The following LRFN5 variants were observed in gnomAD, a reference collection of about 807,000 sequenced individuals.
LRFN5 encodes the protein leucine rich repeat and fibronectin type III domain containing 5.
In LRFN5, 24 loss-of-function variants were observed where a neutral mutation model predicts 45.6. The ratio of observed to expected loss-of-function variants is 0.53; its 90% CI spans 0.38 to 0.74. The LOEUF is 0.74. Ranked by LOEUF, LRFN5 falls within the 30% of genes least tolerant of loss-of-function variation. LRFN5 has a pLI of 0.00. For missense variants in LRFN5, 776 were observed against 861.5 expected (o/e 0.90, Z 1.24); for synonymous variants, 340 against 313.8 (o/e 1.08, Z -0.88).
At chr14:41,647,723 A>G (rs1879884590) in intron 1 of LRFN5, among the ~76,000 whole-genome samples, 1 of 152,190 alleles carries the variant, frequency 6.6e-6, no homozygotes, top group Admixed American at 6.5e-5. Context: ...CAGGGATTCA[A>G]AACTTAACAT....
chr14:41,735,470 C>A (rs1240209850), intron 1 of LRFN5, among the ~76,000 whole-genome samples: 1 of 151,856 alleles, frequency 6.6e-6, no homozygotes, highest in Non-Finnish European at 1.5e-5. Flanking sequence ...ATGGGTCTCC[C>A]TATGTTGCTC....
At chr14:41,702,011 C>A (rs1034738393) in intron 1 of LRFN5, among the ~76,000 whole-genome samples, 1 of 152,112 alleles carries the variant, frequency 6.6e-6, no homozygotes, top group African/African-American at 2.4e-5. Context: ...AGCAGAACCT[C>A]CTGGAGCAGT....
intron 1 of LRFN5, among the ~76,000 whole-genome samples, chr14:41,681,568 A>G (rs1454412258): frequency 6.6e-6 from 1 of 152,062 alleles, no homozygotes; most frequent in Non-Finnish European, 1.5e-5. Context: ...TAAGGGAGAA[A>G]TAAAGACTTT....
chr14:41,732,184 A>C (rs58682843), intron 1 of LRFN5, among the ~76,000 whole-genome samples: 6,822 of 152,264 alleles, frequency 0.045, 339 homozygotes, highest in African/African-American at 0.12. Context: ...TTCCTAGAGC[A>C]GCATGCATAC....
chr14:41,788,568 G>A (rs1193283467), intron 2 of LRFN5, among the ~76,000 whole-genome samples: 1 of 151,888 alleles, frequency 6.6e-6, no homozygotes, highest in Non-Finnish European at 1.5e-5. Flanking sequence ...AAAAAAAGAT[G>A]TTCCATCTCC....
At chr14:41,877,134 T>C (rs1027021594) in intron 2 of LRFN5, among the ~76,000 whole-genome samples, 2 of 152,312 alleles carry the variant, frequency 1.3e-5, no homozygotes, top group African/African-American at 2.4e-5. Flanking sequence ...TAAAACTGCC[T>C]TTTGTTTACT....
intron 2 of LRFN5, among the ~76,000 whole-genome samples, chr14:41,852,750 T>A (rs1889315667): frequency 6.6e-6 from 1 of 151,972 alleles, no homozygotes; most frequent in Admixed American, 6.6e-5. Context: ...TATCCTTCTT[T>A]CAGAGATTAT....
At chr14:41,679,177 G>A (rs926432661) in intron 1 of LRFN5, among the ~76,000 whole-genome samples, 5 of 152,136 alleles carry the variant, frequency 3.3e-5, no homozygotes, top group Admixed American at 2.6e-4. Context: ...GGCAGTCTAG[G>A]CCACAAGGAC....
At chr14:41,716,299 G>T (rs553008840) in intron 1 of LRFN5, among the ~76,000 whole-genome samples, 33 of 152,148 alleles carry the variant, frequency 2.2e-4, no homozygotes, top group Admixed American at 1.0e-3. Flanking sequence ...AAATTTCTGC[G>T]GCCAGCTTGG....
chr14:41,880,229 C>CGA (rs1890334883), intron 2 of LRFN5, among the ~76,000 whole-genome samples: 1 of 151,896 alleles, frequency 6.6e-6, no homozygotes, highest in Admixed American at 6.6e-5. Flanking sequence ...GCCCGGCCCT[C>CGA]AATCTTTTCT....
chr14:41,674,858 C>T (rs979133519), intron 1 of LRFN5, among the ~76,000 whole-genome samples: 14 of 150,822 alleles, frequency 9.3e-5, no homozygotes, highest in Non-Finnish European at 2.1e-4. Flanking sequence ...GGGCGGTTGC[C>T]GGGCGGAGGG....
intron 1 of LRFN5, among the ~76,000 whole-genome samples, chr14:41,751,391 G>T (rs962689863): frequency 2.6e-5 from 4 of 151,462 alleles, no homozygotes; most frequent in Non-Finnish European, 5.9e-5. Flanking sequence ...AGAATATATT[G>T]AAAAAAAATT....
intron 1 of LRFN5, among the ~76,000 whole-genome samples, chr14:41,622,480 T>C (rs763373102): frequency 6.6e-6 from 1 of 152,112 alleles, no homozygotes; most frequent in Non-Finnish European, 1.5e-5. Context: ...TGTATGAATA[T>C]ACACATACTT....
intron 1 of LRFN5, among the ~76,000 whole-genome samples, chr14:41,642,549 T>C (rs1031429855): frequency 1.3e-5 from 2 of 152,152 alleles, no homozygotes; most frequent in Non-Finnish European, 2.9e-5. Flanking sequence ...CTCATTGTTA[T>C]TTAGTTTCTC....
intron 2 of LRFN5, among the ~76,000 whole-genome samples, chr14:41,823,419 G>GTTTAT (rs1888191381): frequency 1.2e-5 from 1 of 80,212 alleles, no homozygotes; most frequent in Admixed American, 1.3e-4. Flanking sequence ...AAAATTCTTG[G>GTTTAT]CTTATCTATA....
intron 2 of LRFN5, among the ~76,000 whole-genome samples, chr14:41,801,219 T>C (rs1422625289): frequency 6.6e-6 from 1 of 152,068 alleles, no homozygotes. Context: ...AACCACTCCA[T>C]ATCTGCATAT....
chr14:41,836,183 C>A (rs949216318), intron 2 of LRFN5, among the ~76,000 whole-genome samples: 8 of 152,122 alleles, frequency 5.3e-5, no homozygotes, highest in African/African-American at 1.9e-4. Context: ...TCAGCTTTTG[C>A]ATCCTATTTA....
At chr14:41,897,705 G>A (rs975949266) in intron 4 of LRFN5, among the ~76,000 whole-genome samples, 3 of 151,962 alleles carry the variant, frequency 2.0e-5, no homozygotes, top group African/African-American at 4.8e-5. Context: ...TTAATTTTCT[G>A]CATTTTTTAA....
chr14:41,614,388 TG>T (rs916909746), intron 1 of LRFN5, among the ~76,000 whole-genome samples: 1 of 152,136 alleles, frequency 6.6e-6, no homozygotes, highest in African/African-American at 2.4e-5. Context: ...TTAGGAATTA[TG>T]TTAGGATATT....
Sources: allele counts gnomAD v4.1 joint callset (sites outside exome capture counted in the v4.1 genomes callset), GRCh38; gene constraint gnomAD v4.1.1; transcripts MANE v1.5; gene names NCBI Gene and HGNC (gene_info 2026-07-23, HGNC 2026-07-21).